The following NFIC variants were observed in gnomAD, a reference collection of about 807,000 sequenced individuals.
NFIC encodes nuclear factor I C, also known as nuclear factor 1 C-type.
Under a neutral mutation model 54.4 loss-of-function variants are expected in NFIC, and 12 were observed. The observed-to-expected ratio is 0.22, with a 90% confidence interval of 0.14 to 0.36. The LOEUF (loss-of-function observed/expected upper bound fraction) is 0.36, where lower values mean the gene tolerates loss of function less well. Ranked by LOEUF, NFIC falls within the 10% of genes least tolerant of loss-of-function variation. The pLI is 1.00. For synonymous variants in NFIC, 322 were observed against 319.2 expected, an observed-to-expected ratio of 1.01 and a Z score of -0.09; for missense variants, 575 against 718.2, an observed-to-expected ratio of 0.80 and a Z score of 2.28.
rs1023876583 is a variant in NFIC at position 3,453,012 on chromosome 19, G to C, written c.1269+346G>C. ...GCGCTTTCGGAGGCCAAGGCGGGAG[G>C]ATTGCATAAGCCCAGAGTTCAAGAC... On this transcript the variant is annotated intron_variant, in intron 8 of 10. Transcript: ENST00000443272. The surrounding 1 kb of genome is among the most constrained non-coding windows in gnomAD (Gnocchi z 6.7). 2.6e-5 allele frequency among the ~76,000 whole-genome samples: 4 copies of C among 152,198 alleles called. No individual in the cohort carries two copies. Among genetic ancestry groups the C allele is most frequent in the African/African-American group, 9.6e-5 (4 of 41,452 alleles).
At position 3,453,803 on chromosome 19, in the gene NFIC, T is replaced by G. The variant is rs1395452053; in HGVS notation, c.1310T>G (p.Leu437Arg). ...CAGCTCAAAATGCCCAGCCACTGCC[T>G]TTCTGCTCAGATGCTGGCACCTCCG... Reference protein sequence around the residue: ...SGQLKMPSHCLSAQMLAPPPP... With the variant: ...SGQLKMPSHCRSAQMLAPPPP... The change falls in exon 9 of 11, where the codon CTT (leucine) becomes CGT (arginine). Residue 437 changes from leucine to arginine, a missense_variant. Leu to Arg is a moderately radical substitution (Grantham distance 102). Around this residue, in one of 3 missense-constraint regions of NFIC, gnomAD observed 447 missense variants for 526.9 expected, o/e 0.85. Transcript: ENST00000443272. The surrounding 1 kb of genome is among the most constrained non-coding windows in gnomAD (Gnocchi z 6.7). 2 of 1,606,656 alleles carry G rather than the reference T, an allele frequency of 1.2e-6. No individual in the cohort carries two copies. The highest frequency in any genetic ancestry group is 3.4e-5 in the Admixed American group (2 of 59,100).
At chr19:3,400,149 G>A (rs1391833263) in intron 2 of NFIC, among the ~76,000 whole-genome samples, 1 of 151,966 alleles carries the variant, frequency 6.6e-6, no homozygotes, top group East Asian at 1.9e-4. Flanking sequence ...ACTGCTCCAG[G>A]CGCTGGGATA....
At chr19:3,419,753 C>G (rs1013358510) in intron 2 of NFIC, among the ~76,000 whole-genome samples, 1 of 149,950 alleles carries the variant, frequency 6.7e-6, no homozygotes, top group Non-Finnish European at 1.5e-5. Context: ...GAGCTGAGAT[C>G]GCACCATTGC....
chr19:3,391,970 G>A (rs935538805), intron 2 of NFIC, among the ~76,000 whole-genome samples: 1 of 151,708 alleles, frequency 6.6e-6, no homozygotes, highest in Non-Finnish European at 1.5e-5. Context: ...AGACAGCTGT[G>A]TAACCCTGGG....
chr19:3,445,130 C>T (rs980909506), intron 6 of NFIC, among the ~76,000 whole-genome samples: 4 of 152,138 alleles, frequency 2.6e-5, no homozygotes, highest in African/African-American at 9.7e-5. Context: ...GACATGCACA[C>T]ATGCATGCAG....
chr19:3,399,507 T>C (rs1164794711), intron 2 of NFIC, among the ~76,000 whole-genome samples: 1 of 151,920 alleles, frequency 6.6e-6, no homozygotes, highest in Non-Finnish European at 1.5e-5. Context: ...GTCTGGGAGG[T>C]TGAGGCTGCA....
intron 1 of NFIC, among the ~76,000 whole-genome samples, chr19:3,379,974 G>A (rs950527262): frequency 2.6e-5 from 4 of 151,778 alleles, no homozygotes; most frequent in Non-Finnish European, 4.4e-5. Context: ...GAGCCACCAT[G>A]CTTGGCCGCC....
chr19:3,379,824 G>A (rs192892778), intron 1 of NFIC, among the ~76,000 whole-genome samples: 1 of 151,472 alleles, frequency 6.6e-6, no homozygotes, highest in East Asian at 1.9e-4. Flanking sequence ...CAAGTAGTTG[G>A]GACTGCAGGT....
chr19:3,443,181 C>A (rs1043529810), intron 6 of NFIC, among the ~76,000 whole-genome samples: 1 of 152,180 alleles, frequency 6.6e-6, no homozygotes, highest in Admixed American at 6.5e-5. Context: ...CACCTGTAAT[C>A]CCAGCACTTT....
chr19:3,463,156 G>A lies in NFIC; in HGVS notation c.*387G>A. 3 of 1,089,120 alleles carry A rather than the reference G, an allele frequency of 2.8e-6. No homozygotes were observed. The highest frequency in any genetic ancestry group is 2.9e-5 in the South Asian group (1 of 35,082). The allele number at this position is 1,089,120 out of a possible 1,614,324, so 67.5% of individuals were successfully genotyped here. The stretch of plus-strand genomic sequence containing the variant: ...CTGCTGCTCGGGAAGGACAGACGCC[G>A]GCCGCCCGCCCGCGCCCCGGAGGCC... On this transcript the variant is annotated 3_prime_UTR_variant, in exon 11 of 11. Coordinates refer to ENST00000443272, the MANE Select transcript of NFIC (RefSeq NM_001245002.2).
chr19:3,412,949 CAGTT>C (rs1313311264), intron 2 of NFIC, among the ~76,000 whole-genome samples: 10 of 152,134 alleles, frequency 6.6e-5, no homozygotes, highest in African/African-American at 1.7e-4. Flanking sequence ...CCCAGTATCA[CAGTT>C]AGCCACACGG....
chr19:3,468,176 G>A lies in NFIC; in HGVS notation c.*5407G>A, dbSNP rs547265296. 45 of 152,200 alleles carry A rather than the reference G, an allele frequency of 3.0e-4. No homozygotes were observed. The highest frequency in any genetic ancestry group is 1.0e-3 in the South Asian group (5 of 4,820). The allele number at this position is 152,200 out of a possible 1,614,324, so 9.4% of individuals were successfully genotyped here. ...CACATGTCTGCTGGTGTGGCTTTGGGATTCTCCTGCCCCACCCCCCCGTCC... is the reference window on the plus strand; with the variant it reads ...CACATGTCTGCTGGTGTGGCTTTGGAATTCTCCTGCCCCACCCCCCCGTCC... On this transcript the variant is annotated 3_prime_UTR_variant, in exon 11 of 11. Transcript: ENST00000443272.
chr19:3,429,293 C>CACACACACACAT (rs1244819392), intron 3 of NFIC, among the ~76,000 whole-genome samples: 8 of 133,730 alleles, frequency 6.0e-5, no homozygotes, highest in South Asian at 2.5e-4. Flanking sequence ...CACACACACA[C>CACACACACACAT]ACTAGCCAAA....
At position 3,381,845 on chromosome 19, in the gene NFIC, G is replaced by C; in HGVS notation, c.164G>C (p.Arg55Pro). ...HEKRMSKDEE[R>P]AVKDELLGEK... Reference sequence around the variant, plus strand: ...AAGCGGATGTCGAAGGACGAGGAGCGTGCGGTCAAGGACGAGCTGCTGGGC... The same window carrying C: ...AAGCGGATGTCGAAGGACGAGGAGCCTGCGGTCAAGGACGAGCTGCTGGGC... The change falls in exon 2 of 11, where the codon CGT becomes CCT. Residue 55 changes from arginine to proline, a missense_variant. This residue lies in a region of NFIC where 122 missense variants were observed against 158.0 expected (regional missense o/e 0.77). Coordinates refer to ENST00000443272, the MANE Select transcript of NFIC (RefSeq NM_001245002.2). The C allele has an allele frequency of 6.2e-7, 1 of 1,614,032 alleles. No homozygotes were observed. The highest frequency in any genetic ancestry group is 8.5e-7 in the Non-Finnish European group (1 of 1,179,970).
Position 3,456,651 on chromosome 19 carries a change from C to G in NFIC, c.1509+16C>G. ...TCAGGCACAGGTAGGGGCCGAGAGG[C>G]CGGCTGGTGGGGTGGGAGGGGCAGG... On this transcript the variant is annotated intron_variant, in intron 10 of 10. Coordinates refer to ENST00000443272, the MANE Select transcript of NFIC (RefSeq NM_001245002.2). The G allele has an allele frequency of 1.3e-6, 2 of 1,544,152 alleles. No individual in the cohort carries two copies. Among genetic ancestry groups the G allele is most frequent in the Non-Finnish European group, 1.8e-6 (2 of 1,141,464 alleles).
At chr19:3,363,227 A>ATGTGTGTGTGTGTGTG (rs1236874934), upstream of NFIC, among the ~76,000 whole-genome samples, 6 of 45,156 alleles carry the variant, frequency 1.3e-4, no homozygotes, top group South Asian at 6.8e-4. Context: ...ATGTATATGT[A>ATGTGTGTGTGTGTGTG]TGTGTATGTG....
chr19:3,381,192 C>T (rs890182687), intron 1 of NFIC, among the ~76,000 whole-genome samples: 3 of 151,954 alleles, frequency 2.0e-5, no homozygotes, highest in South Asian at 2.1e-4. Context: ...GTCAGGAGAT[C>T]GAGACCATCC....
At chr19:3,455,545 A>G (rs569780453) in intron 9 of NFIC, among the ~76,000 whole-genome samples, 23 of 137,106 alleles carry the variant, frequency 1.7e-4, no homozygotes, top group African/African-American at 4.6e-4. Flanking sequence ...CTCAGGGCTC[A>G]GTGGGATTAT....
intron 2 of NFIC, among the ~76,000 whole-genome samples, chr19:3,388,253 C>T (rs1311076133): frequency 2.0e-5 from 3 of 152,190 alleles, no homozygotes; most frequent in African/African-American, 7.2e-5. Context: ...GGGAGTTCCC[C>T]AGCGCTTCCT....
Sources: gnomAD v4.1 joint callset for allele counts (sites outside exome capture counted in the v4.1 genomes callset) on GRCh38, gnomAD v4.1.1 for gene constraint, gnomAD v4.1.1 regional missense constraint, Gnocchi (gnomAD v3.1) non-coding constraint, MANE v1.5 for transcripts, NCBI Gene and HGNC (gene_info 2026-07-23, HGNC 2026-07-21) for gene names.